Variants in TTI2 observed in about 807,000 individuals in gnomAD.
TTI2 encodes the protein TELO2 interacting protein 2.
TTI2 carries 26 observed loss-of-function variants against 44.9 expected under a neutral mutation model. The ratio of observed to expected loss-of-function variants is 0.58; its 90% confidence interval spans 0.42 to 0.80. The LOEUF is 0.80. Ranked by LOEUF, TTI2 falls within the 30% of genes least tolerant of loss-of-function variation. TTI2 has a pLI of 0.00. For synonymous variants in TTI2, 254 were observed against 250.9 expected, an observed-to-expected ratio of 1.01 and a Z score of -0.12; for missense variants, 582 against 611.6, an observed-to-expected ratio of 0.95 and a Z score of 0.51.
intron 6 of TTI2, among the ~76,000 whole-genome samples, chr8:33,502,908 T>C (rs1340441497): frequency 6.6e-6 from 1 of 151,482 alleles, no homozygotes; most frequent in African/African-American, 2.4e-5. Flanking sequence ...GGCGGGTGGA[T>C]TACAAGGTCA....
intron 7 of TTI2, chr8:33,499,508 A>C: frequency 4.6e-6 from 2 of 430,546 alleles, no homozygotes; most frequent in Non-Finnish European, 8.4e-6. Flanking sequence ...GTACTTGCAA[A>C]TCTCCTGCTG....
At chr8:33,506,533 A>C (rs1053075614) in intron 4 of TTI2, among the ~76,000 whole-genome samples, 5 of 151,384 alleles carry the variant, frequency 3.3e-5, no homozygotes, top group African/African-American at 1.2e-4. Context: ...CTGGGACTAC[A>C]GACACGTGCC....
intron 6 of TTI2, 98 bp from the exon 7 acceptor site, chr8:33,500,588 A>C (rs1429606815): frequency 1.4e-6 from 2 of 1,430,390 alleles, no homozygotes. Context: ...ATCATTTCCT[A>C]AATTAAGGAA....
chr8:33,505,364 C>T (rs1809256817), intron 4 of TTI2, among the ~76,000 whole-genome samples: 1 of 152,178 alleles, frequency 6.6e-6, no homozygotes, highest in African/African-American at 2.4e-5. Context: ...TAGTTTCTTT[C>T]TCCCTCCTAA....
intron 4 of TTI2, among the ~76,000 whole-genome samples, chr8:33,506,469 G>A (rs1360124497): frequency 2.8e-5 from 4 of 143,200 alleles, no homozygotes; most frequent in Non-Finnish European, 6.0e-5. Context: ...TCGGCTCACT[G>A]CAACCTCCAC....
At chr8:33,503,128 C>CAAAAAAAA (rs397973510) in intron 6 of TTI2, among the ~76,000 whole-genome samples, 1 of 47,276 alleles carries the variant, frequency 2.1e-5, no homozygotes, top group African/African-American at 5.4e-5. Flanking sequence ...GACTCCATTT[C>CAAAAAAAA]AAAAAAAAAA....
chr8:33,499,188 G>A lies in TTI2; in HGVS notation c.1512C>T (p.Pro504=), dbSNP rs772780494. Residue 504 remains proline, a synonymous_variant, in exon 8 of 8, where the codon CCC becomes CCT. Transcript: ENST00000431156. The part of the protein sequence containing the change: ...RKVQQVSEGA[P]YNGT ...AATACAAGTCTTAAGTTCCATTGTA[G>A]GGTGCGCCTTCAGAAACCTGCTGCA... The A allele has an allele frequency of 2.5e-6, 4 of 1,613,640 alleles. No homozygotes were observed. In the East Asian group the frequency reaches 8.9e-5, roughly 36 times the overall value.
At chr8:33,502,640 T>A (rs1036132363) in intron 6 of TTI2, among the ~76,000 whole-genome samples, 1 of 151,914 alleles carries the variant, frequency 6.6e-6, no homozygotes, top group Non-Finnish European at 1.5e-5. Flanking sequence ...CTGGCCAACA[T>A]GGTGAAACAC....
In TTI2 at chr8:33,509,737, G is replaced by GTA. The variant is rs1809448255; in HGVS notation, c.834+8_834+9insTA. 1 of 1,613,526 alleles carries GTA rather than the reference G, an allele frequency of 6.2e-7. No homozygotes were observed. The highest frequency in any genetic ancestry group is 1.1e-5 in the South Asian group (1 of 91,056). On this transcript the variant is annotated intron_variant, in intron 3 of 7. Coordinates refer to ENST00000431156, the MANE Select transcript of TTI2 (RefSeq NM_001102401.4). ...TGTCAACACAGATGACAAGCCAGAGGTTGCTTACCACATTAAGCACAATGT... is the reference window on the plus strand; with the variant it reads ...TGTCAACACAGATGACAAGCCAGAGGTATTGCTTACCACATTAAGCACAATGT...
rs143113617 is a variant in TTI2 at position 33,499,216 on chromosome 8, T to C, written c.1484A>G (p.Lys495Arg). The C allele has an allele frequency of 5.8e-5, 94 of 1,614,148 alleles. No individual in the cohort carries two copies. The African/African-American group carries it at 1.2e-3, about 20-fold the overall frequency. ...TGCGCCTTCAGAAACCTGCTGCACT[T>C]TTCTGATATAGTTCACCACTTTTCT... ...EDRKVVNYIR[K>R]VQQVSEGAPY... The change falls in exon 8 of 8, where the codon AAA becomes AGA. Residue 495 changes from lysine to arginine, a missense_variant. Lys to Arg is a conservative substitution (Grantham distance 26). Transcript: ENST00000431156.
intron 4 of TTI2, among the ~76,000 whole-genome samples, chr8:33,504,554 C>CTAGGCCAGGGG (rs1809229802): frequency 6.6e-6 from 1 of 151,916 alleles, no homozygotes; most frequent in Non-Finnish European, 1.5e-5. Flanking sequence ...GGATTTATCC[C>CTAGGCCAGGGG]TAGGCCAGGG....
chr8:33,502,666 T>A (rs1283973436), intron 6 of TTI2, among the ~76,000 whole-genome samples: 2 of 151,348 alleles, frequency 1.3e-5, no homozygotes, highest in South Asian at 2.1e-4. Flanking sequence ...CTACTAAAAA[T>A]TTTTTAAAAA....
chr8:33,498,851 AG>A lies in TTI2; in HGVS notation c.*321del. 1.7e-6 allele frequency: 1 copy of A among 594,122 alleles called. No homozygotes were observed. The highest frequency in any genetic ancestry group is 3.0e-6 in the Non-Finnish European group (1 of 338,638). 36.8% of individuals were successfully genotyped at this position (594,122 alleles called of 1,614,324 possible). On this transcript the variant is annotated 3_prime_UTR_variant, in exon 8 of 8. Transcript: ENST00000431156. ...AGTGTTTTTATAGCATATGTGTTGA[AG>A]TAACAGCTTGTGCCCGAGAAACTTA...
Position 33,511,962 on chromosome 8 carries a change from C to A in TTI2, c.647+5G>T. On this transcript the variant is annotated splice_donor_5th_base_variant and intron_variant, in intron 2 of 7. Coordinates refer to ENST00000431156, the MANE Select transcript of TTI2 (RefSeq NM_001102401.4). ...AAGTCGGTGGCAAAGGGCAGGAGTA[C>A]TCACTTATACAAGTCGGGTTTGAGA... The A allele has an allele frequency of 6.2e-7, 1 of 1,614,150 alleles. No individual in the cohort carries two copies. Among genetic ancestry groups the A allele is most frequent in the Non-Finnish European group, 8.5e-7 (1 of 1,180,000 alleles).
Position 33,498,956 on chromosome 8 carries a change from CT to C in TTI2, c.*216del. Reference sequence around the variant, plus strand: ...TTTAAATGCTACATTACTTGGTGTCCTTTTTTCTCCCAAACTTTATTTAGAA... The same window carrying C: ...TTTAAATGCTACATTACTTGGTGTCCTTTTTCTCCCAAACTTTATTTAGAA... On this transcript the variant is annotated 3_prime_UTR_variant, in exon 8 of 8. Coordinates refer to ENST00000431156, the MANE Select transcript of TTI2 (RefSeq NM_001102401.4). 1.7e-6 allele frequency: 1 copy of C among 588,080 alleles called. No homozygotes were observed. 36.4% of individuals were successfully genotyped at this position (588,080 alleles called of 1,614,324 possible). A position where few individuals can be genotyped will look rare whatever the true frequency, so the allele number is the denominator to read the frequency against.
intron 2 of TTI2, 73 bp downstream of exon 2, chr8:33,511,894 A>G (rs977053564): frequency 2.6e-5 from 39 of 1,499,274 alleles, no homozygotes; most frequent in Non-Finnish European, 3.3e-5. Flanking sequence ...TGTCTCGAAA[A>G]TAAATAAATA....
Position 33,512,192 on chromosome 8 carries a change from G to T in TTI2, c.422C>A (p.Thr141Lys), listed in dbSNP as rs1809561010. Residue 141 changes from threonine to lysine, a missense_variant, in exon 2 of 8, where the codon ACG becomes AAG. Transcript: ENST00000431156. The stretch of plus-strand genomic sequence containing the variant: ...GGGTCCTGCCAAGTGATGCAGGCCC[G>T]TCTGCCATGCAGGGCCGACCAGGGA... ...KNSLVGPAWQ[T>K]GLHHLAGPVY... is the part of the protein sequence containing the mutation. The T allele has an allele frequency of 1.2e-6, 2 of 1,614,168 alleles. No homozygotes were observed. The highest frequency in any genetic ancestry group is 4.5e-5 in the East Asian group (2 of 44,870).
In TTI2 at chr8:33,512,247, G is replaced by T; in HGVS notation, c.367C>A (p.Leu123Met). The change falls in exon 2 of 8, where the codon CTG (leucine) becomes ATG (methionine). Residue 123 changes from leucine to methionine, a missense_variant. Leu to Met is a conservative substitution (Grantham distance 15). Transcript: ENST00000431156. ...AAQVGLLFLK[L>M]LGKVETAKNS... is the part of the protein sequence containing the mutation. ...TTAGCAGTCTCAACTTTCCCTAACAGTTTAAGAAACAGTAACCCAACTTGG... is the reference window on the plus strand; with the variant it reads ...TTAGCAGTCTCAACTTTCCCTAACATTTTAAGAAACAGTAACCCAACTTGG... The T allele has an allele frequency of 6.2e-7, 1 of 1,614,174 alleles. No homozygotes were observed.
chr8:33,499,668 AT>A, intron 7 of TTI2: 14 of 179,060 alleles, frequency 7.8e-5, no homozygotes, highest in East Asian at 3.2e-4. Context: ...TAGGATATGA[AT>A]TTTTTTTTCC....
Sources: gnomAD v4.1 joint callset for allele counts (sites outside exome capture counted in the v4.1 genomes callset) on GRCh38, gnomAD v4.1.1 for gene constraint, MANE v1.5 for transcripts, NCBI Gene and HGNC (gene_info 2026-07-23, HGNC 2026-07-21) for gene names.